Variants in PLEKHM3 observed in about 807,000 individuals in gnomAD.
PLEKHM3 encodes pleckstrin homology domain containing M3.
In PLEKHM3, 45 loss-of-function variants were observed where a neutral mutation model predicts 81.8. The observed-to-expected ratio is 0.55, with a 90% confidence interval of 0.43 to 0.71. The LOEUF (loss-of-function observed/expected upper bound fraction) is 0.71, where lower values mean the gene tolerates loss of function less well. PLEKHM3 is among the 30% of genes least tolerant of loss of function. The pLI is 0.00. For synonymous variants in PLEKHM3, 352 were observed against 356.4 expected (o/e 0.99, Z 0.14); for missense variants, 788 against 924.3 (o/e 0.85, Z 1.91).
intron 1 of PLEKHM3, among the ~76,000 whole-genome samples, chr2:208,025,168 G>A (rs781667925): frequency 6.6e-6 from 1 of 152,112 alleles, no homozygotes; most frequent in Non-Finnish European, 1.5e-5. Context: ...TTACATACCT[G>A]ATTCACAAAA....
intron 1 of PLEKHM3, among the ~76,000 whole-genome samples, chr2:208,025,020 G>A (rs1298743634): frequency 1.3e-5 from 2 of 152,150 alleles, no homozygotes; most frequent in African/African-American, 4.8e-5. Context: ...AAGAACAATC[G>A]TTTTCTGGAA....
chr2:207,865,781 C>CAAAAAA (rs71412445), intron 6 of PLEKHM3, among the ~76,000 whole-genome samples: 72 of 3,794 alleles, frequency 0.019, 15 homozygotes, highest in South Asian at 0.043. Flanking sequence ...AACTCCGACT[C>CAAAAAA]AAAAAAAAAA....
At chr2:207,838,024 G>A (rs1048433617) in intron 7 of PLEKHM3, among the ~76,000 whole-genome samples, 3 of 151,430 alleles carry the variant, frequency 2.0e-5, no homozygotes, top group Non-Finnish European at 4.4e-5. Flanking sequence ...CGCCCGCCTC[G>A]GCCTCCCAAA....
At chr2:208,003,685 T>G (rs894825521) in intron 1 of PLEKHM3, among the ~76,000 whole-genome samples, 2 of 152,260 alleles carry the variant, frequency 1.3e-5, no homozygotes, top group African/African-American at 4.8e-5. Flanking sequence ...CATTTCTAGC[T>G]GTAAACAGGG....
chr2:207,828,972 A>G (rs1016223833), intron 7 of PLEKHM3, among the ~76,000 whole-genome samples: 6 of 152,176 alleles, frequency 3.9e-5, no homozygotes, highest in African/African-American at 1.4e-4. Context: ...AGCTGCCTTT[A>G]TTTGACAGTT....
At chr2:207,850,220 C>T (rs535021483) in intron 7 of PLEKHM3, among the ~76,000 whole-genome samples, 7 of 152,192 alleles carry the variant, frequency 4.6e-5, no homozygotes, top group Non-Finnish European at 7.3e-5. Flanking sequence ...TACACCTCTA[C>T]GCTGGGGACC....
rs191482988 is a variant in PLEKHM3, at chr2:207,826,134, C to G, written c.*2185G>C. ...GGAATCACGGATACATTAATTACAG[C>G]GAAGGCAAAAGTAAGCTACAGTGAC... On this transcript the variant is annotated 3_prime_UTR_variant, in exon 8 of 8. Coordinates refer to ENST00000427836, the MANE Select transcript of PLEKHM3 (RefSeq NM_001080475.3). The G allele has an allele frequency of 6.6e-4, 100 of 152,256 alleles. No homozygotes were observed. The highest frequency in any genetic ancestry group is 2.4e-3 in the African/African-American group (98 of 41,522). The allele number at this position is 152,256 out of a possible 1,614,324, so 9.4% of individuals were successfully genotyped here. A position where few individuals can be genotyped will look rare whatever the true frequency, so the allele number is the denominator to read the frequency against.
At chr2:207,902,885 G>A (rs868673951) in intron 6 of PLEKHM3, among the ~76,000 whole-genome samples, 8 of 127,184 alleles carry the variant, frequency 6.3e-5, no homozygotes, top group Admixed American at 2.8e-4. Flanking sequence ...ACATTTCTAT[G>A]TTGCATAAGT....
chr2:207,916,737 G>A (rs1559235444), intron 5 of PLEKHM3, among the ~76,000 whole-genome samples: 1 of 151,636 alleles, frequency 6.6e-6, no homozygotes, highest in Non-Finnish European at 1.5e-5. Context: ...GACAGAGTGA[G>A]ACTTCATCTC....
Position 207,976,563 on chromosome 2 carries a change from C to G in PLEKHM3, c.1546+88G>C. ...ATAAACAGGAGATAGCTGTGACTAGCCTATTAAGGGGATTTTTAAAGTGAA... is the reference window on the plus strand; with the variant it reads ...ATAAACAGGAGATAGCTGTGACTAGGCTATTAAGGGGATTTTTAAAGTGAA... On this transcript the variant is annotated intron_variant, in intron 3 of 7. Coordinates refer to ENST00000427836, the MANE Select transcript of PLEKHM3 (RefSeq NM_001080475.3). The surrounding 1 kb of genome is among the most constrained non-coding windows in gnomAD (Gnocchi z 4.1). 1 of 1,279,562 alleles carries G rather than the reference C, an allele frequency of 7.8e-7. No homozygotes were observed. Among genetic ancestry groups the G allele is most frequent in the Non-Finnish European group, 1.1e-6 (1 of 930,978 alleles). 79.3% of individuals were successfully genotyped at this position (1,279,562 alleles called of 1,614,324 possible). A position where few individuals can be genotyped will look rare whatever the true frequency, so the allele number is the denominator to read the frequency against.
chr2:207,981,088 A>C (rs1691506891), intron 2 of PLEKHM3, among the ~76,000 whole-genome samples: 1 of 151,060 alleles, frequency 6.6e-6, no homozygotes. Context: ...AGATTACGCC[A>C]CTGCACTACA....
intron 6 of PLEKHM3, among the ~76,000 whole-genome samples, chr2:207,894,565 TGGGGTGGG>T: frequency 6.9e-4 from 2 of 2,884 alleles, no homozygotes; most frequent in South Asian, 0.027. Context: ...TGGTGGTGGT[TGGGGTGGG>T]GGGGTGGGGT....
chr2:207,843,829 C>T lies in PLEKHM3; in HGVS notation c.2109-15333G>A, dbSNP rs146916474. ...TTTGGGGCGGGAGTGGTGGCTCATG[C>T]CTGTAATCCCAGCAATTTGGGAGGC... On this transcript the variant is annotated intron_variant, in intron 7 of 7. Transcript: ENST00000427836. The surrounding 1 kb of genome is among the most constrained non-coding windows in gnomAD (Gnocchi z 4.4). Among the ~76,000 whole-genome samples, 1 of 152,272 alleles carries T rather than the reference C, an allele frequency of 6.6e-6. No individual in the cohort carries two copies. Among genetic ancestry groups the T allele is most frequent in the East Asian group, 1.9e-4 (1 of 5,182 alleles).
intron 6 of PLEKHM3, among the ~76,000 whole-genome samples, chr2:207,866,851 A>G (rs1377160295): frequency 6.6e-6 from 1 of 152,162 alleles, no homozygotes; most frequent in Non-Finnish European, 1.5e-5. Context: ...GTTTCTCCCT[A>G]GAAATTAACT....
intron 5 of PLEKHM3, among the ~76,000 whole-genome samples, chr2:207,921,448 T>G (rs964140364): frequency 6.6e-6 from 1 of 152,226 alleles, no homozygotes; most frequent in Non-Finnish European, 1.5e-5. Flanking sequence ...ATACAATGTA[T>G]AATAATCAAA....
At chr2:207,974,607 A>G (rs1054242944) in intron 3 of PLEKHM3, among the ~76,000 whole-genome samples, 6 of 152,234 alleles carry the variant, frequency 3.9e-5, no homozygotes, top group Non-Finnish European at 7.3e-5. Context: ...GAAGTGTACC[A>G]TAATTCCAGG....
chr2:207,857,638 T>C (rs1023598838), intron 7 of PLEKHM3, among the ~76,000 whole-genome samples: 2 of 152,220 alleles, frequency 1.3e-5, no homozygotes, highest in African/African-American at 4.8e-5. Flanking sequence ...ATTTGTCTAA[T>C]TTGTTGGTAT....
At chr2:208,012,806 A>G (rs891687254) in intron 1 of PLEKHM3, among the ~76,000 whole-genome samples, 1 of 152,264 alleles carries the variant, frequency 6.6e-6, no homozygotes, top group Non-Finnish European at 1.5e-5. Flanking sequence ...ACAAATGTGG[A>G]CAAAGTATGT....
intron 6 of PLEKHM3, chr2:207,868,843 T>C (rs2092517245): frequency 6.6e-6 from 1 of 152,136 alleles, no homozygotes; most frequent in South Asian, 2.1e-4. Context: ...CAGTAGAAAT[T>C]AATGTAAAGC....
Sources: gnomAD v4.1 joint callset for allele counts (sites outside exome capture counted in the v4.1 genomes callset) on GRCh38, gnomAD v4.1.1 for gene constraint, Gnocchi (gnomAD v3.1) non-coding constraint, MANE v1.5 for transcripts, NCBI Gene and HGNC (gene_info 2026-07-23, HGNC 2026-07-21) for gene names.